GLIS3: variants seen among roughly 807,000 people sequenced by gnomAD.
GLIS3 encodes the protein GLIS family zinc finger 3, also known as zinc finger protein GLIS3.
GLIS3 carries 53 observed loss-of-function variants against 78.6 expected under a neutral mutation model. The ratio of observed to expected loss-of-function variants is 0.67; its 90% confidence interval spans 0.54 to 0.85. The LOEUF (loss-of-function observed/expected upper bound fraction) is 0.85. Among genes scored for constraint, GLIS3 ranks in the 40% least tolerant of loss-of-function variants. GLIS3 has a pLI of 0.00. For missense variants in GLIS3, 1,703 were observed against 1,231.1 expected, an observed-to-expected ratio of 1.38 and a Z score of -5.74; for synonymous variants, 684 against 509.9, an observed-to-expected ratio of 1.34 and a Z score of -4.60.
the GLIS3 span, among the ~76,000 whole-genome samples, chr9:4,426,980 G>C: frequency 1.3e-5 from 2 of 152,336 alleles, no homozygotes; most frequent in East Asian, 3.9e-4. Context: ...TGAGGACAGA[G>C]AGTAGAGCCC....
At chr9:3,863,092 T>C (rs1820329990) in intron 8 of GLIS3, among the ~76,000 whole-genome samples, 1 of 152,154 alleles carries the variant, frequency 6.6e-6, no homozygotes, top group Non-Finnish European at 1.5e-5. Flanking sequence ...CACATCTGAT[T>C]TAACATCTAA....
intron 4 of GLIS3, among the ~76,000 whole-genome samples, chr9:3,987,599 G>C (rs1819846610): frequency 6.6e-6 from 1 of 150,962 alleles, no homozygotes; most frequent in South Asian, 2.1e-4. Flanking sequence ...CTACTCAGGA[G>C]GCTGAGGCAG....
chr9:4,058,429 CAT>C (rs1826326473), intron 4 of GLIS3, among the ~76,000 whole-genome samples: 1 of 149,808 alleles, frequency 6.7e-6, no homozygotes, highest in Non-Finnish European at 1.5e-5. Flanking sequence ...ACTCCCGAGA[CAT>C]ATTTCCTTTC....
the GLIS3 span, among the ~76,000 whole-genome samples, chr9:4,448,789 T>C: frequency 6.6e-6 from 1 of 152,200 alleles, no homozygotes. Flanking sequence ...TGCTAAATTT[T>C]GTTACCAGCT....
the GLIS3 span, among the ~76,000 whole-genome samples, chr9:4,387,566 T>C: frequency 1.3e-5 from 2 of 152,232 alleles, no homozygotes; most frequent in Non-Finnish European, 2.9e-5. Context: ...AGACTATTAC[T>C]ATGACTATTG....
chr9:4,282,013 A>C (rs554719430), intron 2 of GLIS3, among the ~76,000 whole-genome samples: 1 of 152,314 alleles, frequency 6.6e-6, no homozygotes, highest in South Asian at 2.1e-4. Context: ...AGCAGAACTC[A>C]ATTTTTAAAT....
the GLIS3 span, among the ~76,000 whole-genome samples, chr9:4,372,554 TAAAAA>T: frequency 2.2e-5 from 3 of 137,942 alleles, no homozygotes; most frequent in Non-Finnish European, 3.1e-5. Flanking sequence ...GACCCTCCAA[TAAAAA>T]AAAAAAAAAA....
upstream of GLIS3, among the ~76,000 whole-genome samples, chr9:4,349,370 A>G (rs1214802012): frequency 1.3e-5 from 2 of 152,214 alleles, no homozygotes; most frequent in Non-Finnish European, 2.9e-5. Flanking sequence ...ATAATAGTAA[A>G]TGTTCCTATA....
chr9:4,400,046 G>C, the GLIS3 span, among the ~76,000 whole-genome samples: 1 of 152,176 alleles, frequency 6.6e-6, no homozygotes, highest in Non-Finnish European at 1.5e-5. Flanking sequence ...GCAGGATTCA[G>C]ATTATGAAGA....
At chr9:3,864,848 T>C (rs1274414576) in intron 8 of GLIS3, among the ~76,000 whole-genome samples, 1 of 152,212 alleles carries the variant, frequency 6.6e-6, no homozygotes, top group Non-Finnish European at 1.5e-5. Context: ...CTTGCTACTG[T>C]TGCGTATCTC....
intron 2 of GLIS3, among the ~76,000 whole-genome samples, chr9:4,264,879 A>C (rs1158782132): frequency 6.6e-6 from 1 of 152,106 alleles, no homozygotes; most frequent in African/African-American, 2.4e-5. Flanking sequence ...TGAAATAACA[A>C]TCTTCGGCCA....
intron 2 of GLIS3, among the ~76,000 whole-genome samples, chr9:4,317,462 G>T (rs116990533): frequency 2.0e-5 from 3 of 152,164 alleles, no homozygotes; most frequent in African/African-American, 7.2e-5. Flanking sequence ...TTTGTAATTG[G>T]TATGTCTTTA....
chr9:4,310,371 T>TG (rs1162608081), intron 3 of GLIS3: 1 of 152,160 alleles, frequency 6.6e-6, no homozygotes, highest in Non-Finnish European at 1.5e-5. Context: ...TCCGAGTGAA[T>TG]GGGGGATAAA....
chr9:4,297,472 G>T (rs539483199), intron 1 of GLIS3, among the ~76,000 whole-genome samples: 1 of 152,150 alleles, frequency 6.6e-6, no homozygotes, highest in Admixed American at 6.5e-5. Context: ...CTGGTCCACT[G>T]GGGGGAGCTG....
chr9:4,023,434 A>T (rs752053644), intron 4 of GLIS3, among the ~76,000 whole-genome samples: 2 of 152,216 alleles, frequency 1.3e-5, no homozygotes, highest in Non-Finnish European at 2.9e-5. Context: ...CAGACCCCAA[A>T]AAAGTGTCAT....
the GLIS3 span, among the ~76,000 whole-genome samples, chr9:4,441,357 G>A: frequency 6.6e-6 from 1 of 152,138 alleles, no homozygotes; most frequent in Non-Finnish European, 1.5e-5. Flanking sequence ...TAGTTTTTAT[G>A]ATTAAGTGAT....
intron 4 of GLIS3, among the ~76,000 whole-genome samples, chr9:4,028,467 C>G (rs1285498950): frequency 6.6e-6 from 1 of 152,136 alleles, no homozygotes; most frequent in Non-Finnish European, 1.5e-5. Context: ...GGAAATAGGG[C>G]TTTTCTCTTT....
intron 2 of GLIS3, among the ~76,000 whole-genome samples, chr9:4,224,443 C>G (rs1338751462): frequency 6.6e-6 from 1 of 152,156 alleles, no homozygotes. Flanking sequence ...ATACACTGTC[C>G]TCTTTATGAG....
the GLIS3 span, among the ~76,000 whole-genome samples, chr9:4,356,175 C>G: frequency 6.6e-6 from 1 of 152,188 alleles, no homozygotes; most frequent in Non-Finnish European, 1.5e-5. Flanking sequence ...TCCACCTCAA[C>G]AATATGATTT....
Sources: allele counts gnomAD v4.1 joint callset (sites outside exome capture counted in the v4.1 genomes callset), GRCh38; gene constraint gnomAD v4.1.1; transcripts MANE v1.5; gene names NCBI Gene and HGNC (gene_info 2026-07-23, HGNC 2026-07-21).